The following FYN variants were observed in gnomAD, a reference collection of about 807,000 sequenced individuals.
FYN encodes tyrosine-protein kinase Fyn.
FYN carries 10 observed loss-of-function variants against 70.2 expected under a neutral mutation model. The ratio of observed to expected loss-of-function variants is 0.14; its 90% CI spans 0.09 to 0.24. The LOEUF (loss-of-function observed/expected upper bound fraction) is 0.24. Ranked by LOEUF, FYN falls within the 10% of genes least tolerant of loss-of-function variation. FYN has a pLI of 1.00. For missense variants in FYN, 319 were observed against 673.1 expected (o/e 0.47, Z 5.82); for synonymous variants, 236 against 248.6 (o/e 0.95, Z 0.48).
chr6:111,705,537 C>T (rs574831940), intron 6 of FYN, among the ~76,000 whole-genome samples: 30 of 152,182 alleles, frequency 2.0e-4, no homozygotes, highest in African/African-American at 6.7e-4. Flanking sequence ...CATCACCACA[C>T]CTGCTAACTA....
chr6:111,714,583 C>T (rs955647316), intron 4 of FYN, 140 bp from the exon 5 acceptor site: 13 of 665,178 alleles, frequency 2.0e-5, no homozygotes, highest in African/African-American at 9.0e-5. Context: ...TTGTAATTAA[C>T]GTGTCAAAAC....
At chr6:111,778,256 A>G (rs1345377626) in intron 3 of FYN, among the ~76,000 whole-genome samples, 1 of 152,218 alleles carries the variant, frequency 6.6e-6, no homozygotes, top group Non-Finnish European at 1.5e-5. Flanking sequence ...CCAGAGAAGA[A>G]AAGATGAATG....
At chr6:111,835,101 C>A (rs1216638212) in intron 2 of FYN, among the ~76,000 whole-genome samples, 2 of 152,148 alleles carry the variant, frequency 1.3e-5, no homozygotes, top group East Asian at 3.8e-4. Flanking sequence ...AAAAGCTTTT[C>A]TTATTTCCTA....
chr6:111,721,306 A>G (rs957669653), intron 3 of FYN, among the ~76,000 whole-genome samples: 6 of 152,194 alleles, frequency 3.9e-5, no homozygotes, highest in Non-Finnish European at 8.8e-5. Context: ...GTTCCAGGAA[A>G]GCGGGACCCT....
At chr6:111,750,162 T>C (rs1419305565) in intron 3 of FYN, among the ~76,000 whole-genome samples, 3 of 152,210 alleles carry the variant, frequency 2.0e-5, no homozygotes, top group Non-Finnish European at 4.4e-5. Context: ...CATGTATGTC[T>C]CCGTCCAAAT....
chr6:111,822,778 T>G (rs1583471673), intron 2 of FYN, among the ~76,000 whole-genome samples: 2 of 151,130 alleles, frequency 1.3e-5, no homozygotes, highest in East Asian at 3.9e-4. Context: ...TAGAAGGAAA[T>G]GCAAGAGAGA....
At chr6:111,872,525 T>C (rs1281112725) in intron 1 of FYN, among the ~76,000 whole-genome samples, 1 of 15,476 alleles carries the variant, frequency 6.5e-5, no homozygotes, top group Non-Finnish European at 1.2e-4. Context: ...GGCCGAGAGG[T>C]GGAGGAGTGG....
intron 3 of FYN, among the ~76,000 whole-genome samples, chr6:111,771,881 A>G (rs1243802511): frequency 6.6e-6 from 1 of 151,970 alleles, no homozygotes; most frequent in Non-Finnish European, 1.5e-5. Flanking sequence ...TTGTTTAGGG[A>G]CCTACTCAGT....
chr6:111,844,258 C>T (rs986939006), intron 2 of FYN, among the ~76,000 whole-genome samples: 3 of 152,188 alleles, frequency 2.0e-5, no homozygotes, highest in Non-Finnish European at 4.4e-5. Flanking sequence ...GCTAATTTTC[C>T]ACTTCTGTCT....
intron 13 of FYN, among the ~76,000 whole-genome samples, chr6:111,666,836 G>A (rs765543817): frequency 9.2e-5 from 14 of 151,974 alleles, no homozygotes; most frequent in Non-Finnish European, 1.5e-4. Flanking sequence ...TTACTAGTCC[G>A]CTGTGTGGGG....
At chr6:111,738,575 T>G (rs977329541) in intron 3 of FYN, among the ~76,000 whole-genome samples, 1 of 152,216 alleles carries the variant, frequency 6.6e-6, no homozygotes, top group Non-Finnish European at 1.5e-5. Context: ...AGCATGCTTT[T>G]GCTCACCAGC....
At chr6:111,764,592 GATTTAGTAGAATAAGAACTATTTGT>G (rs1439367421) in intron 3 of FYN, among the ~76,000 whole-genome samples, 3 of 152,196 alleles carry the variant, frequency 2.0e-5, no homozygotes, top group African/African-American at 7.2e-5. Flanking sequence ...AGAAGCCTCT[GATTTAGTAGAATAAGAACTATTTGT>G]AACCAAACAG....
chr6:111,672,525 T>C (rs534124068), intron 13 of FYN, among the ~76,000 whole-genome samples: 30 of 152,312 alleles, frequency 2.0e-4, no homozygotes, highest in African/African-American at 5.5e-4. Flanking sequence ...CTAGGCCCCA[T>C]AGTAGGTAAA....
At chr6:111,856,952 G>A (rs940455055) in intron 1 of FYN, among the ~76,000 whole-genome samples, 3 of 152,126 alleles carry the variant, frequency 2.0e-5, no homozygotes, top group African/African-American at 7.2e-5. Context: ...GAAACAGCAG[G>A]TTTTAAAATA....
intron 3 of FYN, among the ~76,000 whole-genome samples, chr6:111,738,169 C>G (rs527628570): frequency 5.9e-5 from 9 of 152,260 alleles, no homozygotes; most frequent in African/African-American, 2.2e-4. Context: ...GCTAGCAGGA[C>G]GTCAACAATT....
At chr6:111,668,546 T>G (rs1004795353) in intron 13 of FYN, among the ~76,000 whole-genome samples, 4 of 148,538 alleles carry the variant, frequency 2.7e-5, no homozygotes, top group African/African-American at 5.0e-5. Flanking sequence ...AGGGTGCCCA[T>G]GAGGAAGGCC....
chr6:111,696,957 A>G (rs1799602457), intron 9 of FYN: 1 of 152,322 alleles, frequency 6.6e-6, no homozygotes, highest in Non-Finnish European at 1.5e-5. Flanking sequence ...GCAATGGACA[A>G]GTTACTTGAC....
rs143674382 is a variant in FYN at position 111,840,075 on chromosome 6, A to G, written c.-82+6514T>C. On this transcript the variant is annotated intron_variant, in intron 2 of 13. Transcript: ENST00000354650. ...AAGAGACTAGTTCTTAGATCTTCCA[A>G]GTGGCCCCTTCTAAGAAAATTAAAC... is the stretch of plus-strand genomic sequence containing the variant. Among the ~76,000 whole-genome samples the G allele has an allele frequency of 1.3e-3, 205 of 152,310 alleles. 1 individual carries two copies. Among genetic ancestry groups the G allele is most frequent in the African/African-American group, 4.8e-3 (199 of 41,566 alleles).
intron 3 of FYN, among the ~76,000 whole-genome samples, chr6:111,759,317 T>C (rs1381051542): frequency 6.6e-6 from 1 of 152,176 alleles, no homozygotes; most frequent in Non-Finnish European, 1.5e-5. Flanking sequence ...CACTGGCACT[T>C]TTCCTGACAA....
Sources: allele counts gnomAD v4.1 joint callset (sites outside exome capture counted in the v4.1 genomes callset), GRCh38; gene constraint gnomAD v4.1.1; transcripts MANE v1.5; gene names NCBI Gene and HGNC (gene_info 2026-07-23, HGNC 2026-07-21).